FARS2: variants seen among roughly 807,000 people sequenced by gnomAD.
FARS2 encodes the protein phenylalanine--tRNA ligase, mitochondrial.
In FARS2, 40 loss-of-function variants were observed where a neutral mutation model predicts 46.4. That is an observed-to-expected ratio of 0.86 (90% CI 0.67 to 1.12). FARS2 has a LOEUF of 1.12. Among genes scored for constraint, FARS2 ranks in the 50% most tolerant of loss-of-function variants. FARS2 has a pLI of 0.00. For missense variants in FARS2, 513 were observed against 567.9 expected, an observed-to-expected ratio of 0.90 and a Z score of 0.98; for synonymous variants, 234 against 214.9, an observed-to-expected ratio of 1.09 and a Z score of -0.78.
intron 5 of FARS2, among the ~76,000 whole-genome samples, chr6:5,572,648 G>GGAAAAGAACTTAGACCATCTGACAT (rs1402602002): frequency 2.6e-5 from 4 of 151,850 alleles, no homozygotes; most frequent in Non-Finnish European, 4.4e-5. Context: ...TTTTATTCCA[G>GGAAAAGAACTTAGACCATCTGACAT]GAAAAGAACT....
intron 4 of FARS2, among the ~76,000 whole-genome samples, chr6:5,465,192 G>GA (rs1242821209): frequency 1.3e-5 from 2 of 151,992 alleles, no homozygotes; most frequent in Admixed American, 6.5e-5. Context: ...AAAAAGAGGA[G>GA]AAAAAAATCT....
At chr6:5,280,444 T>C (rs1351812914) in intron 1 of FARS2, among the ~76,000 whole-genome samples, 1 of 151,998 alleles carries the variant, frequency 6.6e-6, no homozygotes, top group Non-Finnish European at 1.5e-5. Flanking sequence ...TTGGATAATA[T>C]ATGGACTGTT....
chr6:5,580,283 C>G (rs1313524757), intron 5 of FARS2, among the ~76,000 whole-genome samples: 7 of 75,328 alleles, frequency 9.3e-5, no homozygotes, highest in African/African-American at 3.5e-4. Context: ...GAGGAAGACT[C>G]CGTCTCAAAA....
chr6:5,457,814 T>C (rs1047451438), intron 4 of FARS2: 3 of 152,164 alleles, frequency 2.0e-5, no homozygotes, highest in South Asian at 2.1e-4. Flanking sequence ...AGGCTATAAA[T>C]CCAGGGAGAA....
intron 5 of FARS2, among the ~76,000 whole-genome samples, chr6:5,553,070 A>G (rs557519198): frequency 6.6e-6 from 1 of 152,182 alleles, no homozygotes; most frequent in East Asian, 1.9e-4. Flanking sequence ...ATTAGAACTT[A>G]CTAATTCTGT....
intron 5 of FARS2, among the ~76,000 whole-genome samples, chr6:5,596,051 T>G (rs1443772873): frequency 6.6e-6 from 1 of 152,194 alleles, no homozygotes; most frequent in Non-Finnish European, 1.5e-5. Flanking sequence ...CCCCATTTAA[T>G]TTTCATAATA....
chr6:5,567,521 T>C (rs1398520984), intron 5 of FARS2, among the ~76,000 whole-genome samples: 1 of 152,190 alleles, frequency 6.6e-6, no homozygotes, highest in Non-Finnish European at 1.5e-5. Context: ...AAGGAACTGA[T>C]ATTATTTGAT....
intron 4 of FARS2, among the ~76,000 whole-genome samples, chr6:5,474,699 C>T (rs1233711911): frequency 2.2e-5 from 3 of 137,656 alleles, no homozygotes; most frequent in Non-Finnish European, 4.6e-5. Flanking sequence ...CTCACTCTGT[C>T]GCCCCGGCTG....
At chr6:5,454,516 T>C (rs1477465898) in intron 4 of FARS2, among the ~76,000 whole-genome samples, 1 of 152,042 alleles carries the variant, frequency 6.6e-6, no homozygotes, top group Non-Finnish European at 1.5e-5. Context: ...GGCTAATTTT[T>C]TGTATTTTTA....
intron 6 of FARS2, among the ~76,000 whole-genome samples, chr6:5,691,001 G>T (rs1757668522): frequency 6.6e-6 from 1 of 152,136 alleles, no homozygotes; most frequent in Admixed American, 6.5e-5. Flanking sequence ...GGCTACCGAG[G>T]CTTGTGCATT....
At chr6:5,668,336 G>A (rs2150799795) in intron 6 of FARS2, among the ~76,000 whole-genome samples, 1 of 152,280 alleles carries the variant, frequency 6.6e-6, no homozygotes, top group South Asian at 2.1e-4. Context: ...TTGGACAGCA[G>A]CAGCTCATGT....
chr6:5,752,004 C>T (rs1015625534), intron 6 of FARS2, among the ~76,000 whole-genome samples: 5 of 152,096 alleles, frequency 3.3e-5, no homozygotes, highest in East Asian at 1.9e-4. Flanking sequence ...GTCATGTGCC[C>T]GGAGGTGGTT....
chr6:5,718,993 A>G (rs978050744), intron 6 of FARS2, among the ~76,000 whole-genome samples: 2 of 152,302 alleles, frequency 1.3e-5, no homozygotes, highest in East Asian at 1.9e-4. Context: ...CTTGCACCTT[A>G]TGCAGAACAA....
intron 6 of FARS2, among the ~76,000 whole-genome samples, chr6:5,730,163 T>C (rs971735073): frequency 8.5e-5 from 13 of 152,224 alleles, no homozygotes; most frequent in Admixed American, 2.6e-4. Flanking sequence ...TGCTTACCCA[T>C]TGATCTGTCC....
intron 6 of FARS2, among the ~76,000 whole-genome samples, chr6:5,653,440 C>T (rs1561779220): frequency 6.6e-6 from 1 of 152,230 alleles, no homozygotes; most frequent in Non-Finnish European, 1.5e-5. Context: ...GCACCTACTA[C>T]ATGGAAGGCG....
chr6:5,445,356 A>G (rs540655242), intron 4 of FARS2, among the ~76,000 whole-genome samples: 1 of 152,342 alleles, frequency 6.6e-6, no homozygotes, highest in Admixed American at 6.5e-5. Flanking sequence ...TTAGAAGTTT[A>G]GGAATTATTT....
intron 6 of FARS2, among the ~76,000 whole-genome samples, chr6:5,653,737 A>G (rs958431807): frequency 6.6e-6 from 1 of 152,184 alleles, no homozygotes; most frequent in Admixed American, 6.5e-5. Flanking sequence ...CCCATTCAAC[A>G]ATTGTGAGTG....
At chr6:5,473,557 A>C (rs1304759039) in intron 4 of FARS2, among the ~76,000 whole-genome samples, 2 of 145,872 alleles carry the variant, frequency 1.4e-5, no homozygotes, top group East Asian at 2.0e-4. Context: ...AAAAAAAAAA[A>C]CAAAAGAATA....
Position 5,727,714 on chromosome 6 carries a change from GC to G in FARS2, c.1218-43575del, listed in dbSNP as rs1432916755. Among the ~76,000 whole-genome samples the G allele has an allele frequency of 1.3e-5, 2 of 152,304 alleles. No individual in the cohort carries two copies. The highest frequency in any genetic ancestry group is 2.9e-5 in the Non-Finnish European group (2 of 68,030). On this transcript the variant is annotated intron_variant, in intron 6 of 6. Transcript: ENST00000274680. This position sits in a 1 kb window ranked among gnomAD's most constrained non-coding sequence, Gnocchi z 4.1. ...GTCTGAGGAGTTCACAGATTGGAGT[GC>G]CACAGGGATCATATTTTCAGGTGCA...
Sources: allele counts gnomAD v4.1 joint callset (sites outside exome capture counted in the v4.1 genomes callset), GRCh38; gene constraint gnomAD v4.1.1; non-coding constraint Gnocchi (gnomAD v3.1); transcripts MANE v1.5; gene names NCBI Gene and HGNC (gene_info 2026-07-23, HGNC 2026-07-21).